Variants in CSMD1 observed in about 807,000 individuals in gnomAD.
CSMD1 encodes the protein CUB and sushi domain-containing protein 1.
CSMD1 carries 213 observed loss-of-function variants against 417.5 expected under a neutral mutation model. That is an observed-to-expected ratio of 0.51 (90% confidence interval 0.46 to 0.57). CSMD1 has a LOEUF of 0.57. Ranked by LOEUF, CSMD1 falls within the 20% of genes least tolerant of loss-of-function variation. The pLI, the probability that CSMD1 is intolerant of heterozygous loss-of-function variation, is 0.00. For synonymous variants in CSMD1, 2,862 were observed against 1,736.8 expected, an observed-to-expected ratio of 1.65 and a Z score of -16.11; for missense variants, 6,923 against 4,529.7, an observed-to-expected ratio of 1.53 and a Z score of -15.17.
chr8:3,975,277 G>C (rs1056544076), intron 5 of CSMD1, among the ~76,000 whole-genome samples: 1 of 152,062 alleles, frequency 6.6e-6, no homozygotes, highest in African/African-American at 2.4e-5. Flanking sequence ...TGGGGTTGTT[G>C]CTATTTTATT....
At chr8:3,870,052 C>T (rs1374432132) in intron 5 of CSMD1, among the ~76,000 whole-genome samples, 1 of 152,158 alleles carries the variant, frequency 6.6e-6, no homozygotes, top group South Asian at 2.1e-4. Flanking sequence ...CATTGCTTAA[C>T]TGTAAGCATA....
intron 12 of CSMD1, among the ~76,000 whole-genome samples, chr8:3,453,688 A>G (rs1815905832): frequency 6.6e-6 from 1 of 152,034 alleles, no homozygotes; most frequent in Non-Finnish European, 1.5e-5. Context: ...AGTTTGTTAT[A>G]ATTTCTGTAC....
At chr8:3,763,794 G>A (rs1363858092) in intron 5 of CSMD1, among the ~76,000 whole-genome samples, 2 of 152,158 alleles carry the variant, frequency 1.3e-5, no homozygotes, top group Non-Finnish European at 1.5e-5. Flanking sequence ...CATATTCTCA[G>A]AGGACCCAGG....
chr8:4,281,445 G>A (rs867782174), intron 3 of CSMD1, among the ~76,000 whole-genome samples: 2 of 152,022 alleles, frequency 1.3e-5, no homozygotes, highest in Non-Finnish European at 2.9e-5. Context: ...CACTTCAGAA[G>A]GAAACAATTT....
At chr8:3,006,059 G>A (rs2128959613) in intron 52 of CSMD1, among the ~76,000 whole-genome samples, 1 of 151,904 alleles carries the variant, frequency 6.6e-6, no homozygotes. Flanking sequence ...AAGCTGATAA[G>A]CAACTTCAGC....
chr8:4,802,010 C>T (rs1009397526), intron 1 of CSMD1, among the ~76,000 whole-genome samples: 1 of 152,056 alleles, frequency 6.6e-6, no homozygotes, highest in African/African-American at 2.4e-5. Flanking sequence ...ATTTTGCTTC[C>T]CTGGTGTAGA....
chr8:3,982,241 G>A (rs933615785), intron 5 of CSMD1, among the ~76,000 whole-genome samples: 6 of 150,412 alleles, frequency 4.0e-5, no homozygotes, highest in African/African-American at 7.3e-5. Flanking sequence ...ACTACAATCT[G>A]AGCTAAAACT....
intron 3 of CSMD1, among the ~76,000 whole-genome samples, chr8:4,264,173 G>A (rs1265132906): frequency 6.6e-6 from 1 of 152,178 alleles, no homozygotes; most frequent in East Asian, 1.9e-4. Flanking sequence ...CTATGCAGAA[G>A]CTGTTATGTG....
chr8:3,684,573 C>G (rs972974291), intron 7 of CSMD1, among the ~76,000 whole-genome samples: 2 of 149,962 alleles, frequency 1.3e-5, no homozygotes, highest in Admixed American at 6.7e-5. Context: ...ATTGTTGAAC[C>G]CAGTTGCAGA....
intron 26 of CSMD1, among the ~76,000 whole-genome samples, chr8:3,268,504 T>G (rs931604777): frequency 2.0e-5 from 3 of 151,872 alleles, no homozygotes; most frequent in Admixed American, 2.0e-4. Context: ...TTAGCCAGGA[T>G]GGTCTCAATT....
chr8:3,793,311 C>T (rs535331490), intron 5 of CSMD1, among the ~76,000 whole-genome samples: 1 of 152,294 alleles, frequency 6.6e-6, no homozygotes, highest in Admixed American at 6.5e-5. Flanking sequence ...ATTTCCATTC[C>T]CATCTGTTTA....
intron 1 of CSMD1, among the ~76,000 whole-genome samples, chr8:4,703,330 C>T (rs932693201): frequency 3.3e-5 from 5 of 152,124 alleles, no homozygotes; most frequent in African/African-American, 1.2e-4. Context: ...AAATATACGT[C>T]GCTCCACGGA....
intron 1 of CSMD1, among the ~76,000 whole-genome samples, chr8:4,951,437 G>A (rs749043930): frequency 6.2e-5 from 9 of 145,302 alleles, no homozygotes; most frequent in African/African-American, 1.0e-4. Flanking sequence ...GAAAAAGAAA[G>A]AAAGAGGGAA....
At chr8:4,204,054 T>C (rs999938068) in intron 3 of CSMD1, among the ~76,000 whole-genome samples, 16 of 152,244 alleles carry the variant, frequency 1.1e-4, no homozygotes, top group African/African-American at 3.4e-4. Context: ...TGAGCTGAGA[T>C]TGTGCCACTG....
intron 20 of CSMD1, among the ~76,000 whole-genome samples, chr8:3,361,402 G>C (rs1001141378): frequency 2.6e-5 from 4 of 151,990 alleles, no homozygotes; most frequent in Non-Finnish European, 5.9e-5. Flanking sequence ...GCAGAGGCGG[G>C]TGGATCATGA....
intron 7 of CSMD1, among the ~76,000 whole-genome samples, chr8:3,633,034 T>C (rs893128357): frequency 1.3e-5 from 2 of 152,256 alleles, no homozygotes; most frequent in Admixed American, 6.5e-5. Flanking sequence ...TACTAACTGA[T>C]ACTTTTAGTG....
chr8:3,695,526 A>G (rs1248285174), intron 7 of CSMD1, among the ~76,000 whole-genome samples: 2 of 152,202 alleles, frequency 1.3e-5, no homozygotes, highest in African/African-American at 2.4e-5. Context: ...GAAGAGAACA[A>G]TAATATAATA....
At chr8:4,752,449 G>A (rs886065801) in intron 1 of CSMD1, among the ~76,000 whole-genome samples, 15 of 152,206 alleles carry the variant, frequency 9.9e-5, no homozygotes, top group Admixed American at 3.9e-4. Flanking sequence ...AAAACCTTAG[G>A]TACTACCTCG....
chr8:4,113,505 A>T (rs1805950567), intron 3 of CSMD1, among the ~76,000 whole-genome samples: 1 of 150,608 alleles, frequency 6.6e-6, no homozygotes, highest in South Asian at 2.1e-4. Flanking sequence ...CCCAGGTTCA[A>T]GCAATTCTCC....
Sources: gnomAD v4.1 joint callset for allele counts (sites outside exome capture counted in the v4.1 genomes callset) on GRCh38, gnomAD v4.1.1 for gene constraint, MANE v1.5 for transcripts, NCBI Gene and HGNC (gene_info 2026-07-23, HGNC 2026-07-21) for gene names.